The following AUTS2 variants were observed in gnomAD, a reference collection of about 807,000 sequenced individuals.
AUTS2 encodes autism susceptibility gene 2 protein.
In AUTS2, 17 loss-of-function variants were observed where a neutral mutation model predicts 112.4. That is an observed-to-expected ratio of 0.15 (90% CI 0.10 to 0.23). The LOEUF (loss-of-function observed/expected upper bound fraction) is 0.23. Among genes scored for constraint, AUTS2 ranks in the 10% least tolerant of loss-of-function variants. The pLI, the probability that AUTS2 is intolerant of heterozygous loss-of-function variation, is 1.00. For synonymous variants in AUTS2, 751 were observed against 702.7 expected, an observed-to-expected ratio of 1.07 and a Z score of -1.09; for missense variants, 1,510 against 1,701.6, an observed-to-expected ratio of 0.89 and a Z score of 1.98.
chr7:70,006,677 G>A (rs567887734), intron 2 of AUTS2, among the ~76,000 whole-genome samples: 1 of 152,202 alleles, frequency 6.6e-6, no homozygotes, highest in African/African-American at 2.4e-5. Flanking sequence ...AGAAGTTTGC[G>A]GTGTGGTACC....
At chr7:70,247,368 G>A (rs1185097181) in intron 4 of AUTS2, among the ~76,000 whole-genome samples, 1 of 152,200 alleles carries the variant, frequency 6.6e-6, no homozygotes, top group East Asian at 1.9e-4. Context: ...GGTGGGAAGA[G>A]GGAATGGGCT....
chr7:70,451,799 C>A (rs534393145), intron 5 of AUTS2, among the ~76,000 whole-genome samples: 2 of 152,236 alleles, frequency 1.3e-5, no homozygotes, highest in Admixed American at 6.5e-5. Context: ...ATTTTAACAT[C>A]TAACTTCCAG....
In AUTS2 at chr7:70,303,412, GCA is replaced by G. The variant is rs569593320; in HGVS notation, c.661-132330_661-132329del. Among the ~76,000 whole-genome samples, 1,280 of 146,328 alleles carry G rather than the reference GCA, an allele frequency of 8.7e-3. 10 individuals are homozygous for G. The highest frequency in any genetic ancestry group is 0.012 in the African/African-American group (481 of 38,692). On this transcript the variant is annotated intron_variant, in intron 4 of 18. Transcript: ENST00000342771. ...GAAATACACATGCACATGTGTGCAC[GCA>G]CACACACACGCGCGCGCGCGCACAT...
intron 4 of AUTS2, among the ~76,000 whole-genome samples, chr7:70,325,528 A>T (rs1228260858): frequency 6.6e-6 from 1 of 152,146 alleles, no homozygotes; most frequent in African/African-American, 2.4e-5. Context: ...ATATACCTAA[A>T]TGAAATGACA....
chr7:70,506,781 T>C lies in AUTS2; in HGVS notation c.690+71000T>C, dbSNP rs143449588. Among the ~76,000 whole-genome samples the C allele has an allele frequency of 9.0e-3, 1,371 of 152,346 alleles. 6 individuals carry two copies. The highest frequency in any genetic ancestry group is 0.015 in the Non-Finnish European group (995 of 68,024). ...TCTAACAGGCAGGCTCTGTTGTTTA[T>C]TTCGGGGCTGAGATTCAGCAGTTTC... is the stretch of plus-strand genomic sequence containing the variant. On this transcript the variant is annotated intron_variant, in intron 5 of 18. Transcript: ENST00000342771.
intron 1 of AUTS2, among the ~76,000 whole-genome samples, chr7:69,865,518 T>A (rs771674187): frequency 6.6e-6 from 1 of 152,152 alleles, no homozygotes; most frequent in Non-Finnish European, 1.5e-5. Flanking sequence ...ATTTCCTAGT[T>A]CAAGGACTCT....
At chr7:69,883,839 C>T (rs1794160034) in intron 1 of AUTS2, among the ~76,000 whole-genome samples, 1 of 152,196 alleles carries the variant, frequency 6.6e-6, no homozygotes, top group Non-Finnish European at 1.5e-5. Context: ...TTAACAGCCG[C>T]CATGTGTATT....
chr7:70,162,919 A>G (rs1401680147), intron 4 of AUTS2, among the ~76,000 whole-genome samples: 1 of 152,196 alleles, frequency 6.6e-6, no homozygotes, highest in African/African-American at 2.4e-5. Flanking sequence ...AAGCTAAGAA[A>G]TAATTTCATG....
rs35066322 is a variant in AUTS2 at position 70,107,335 on chromosome 7, C to CTTT, written c.523-10776_523-10774dup. 2.9e-3 allele frequency among the ~76,000 whole-genome samples: 280 copies of CTTT among 96,940 alleles called. 7 individuals are homozygous for CTTT. The highest frequency in any genetic ancestry group is 5.6e-3 in the African/African-American group (139 of 24,750). The allele number at this position is 96,940 out of a possible 152,430, so 63.6% of individuals were successfully genotyped here. ...TTACTGGCCAATCCCAGATGAGAAGCTTTTTTTTTTTTTTTTTTTTTTTCT... is the reference window on the plus strand; with the variant it reads ...TTACTGGCCAATCCCAGATGAGAAGCTTTTTTTTTTTTTTTTTTTTTTTTTTCT... On this transcript the variant is annotated intron_variant, in intron 2 of 18. Transcript: ENST00000342771.
rs368520602 is a variant in AUTS2 at position 70,763,126 on chromosome 7, A to G, written c.999A>G (p.Gln333=). ...DLVQRTEAPP[Q]PPPLSTQPPQ... The stretch of plus-strand genomic sequence containing the variant: ...TGCAGCGCACAGAGGCCCCACCTCA[A>G]CCCCCACCTCTGAGTACACAGCCAC... Residue 333 remains glutamine (Q), a synonymous_variant, in exon 7 of 19, where the codon CAA becomes CAG. Coordinates refer to ENST00000342771, the MANE Select transcript of AUTS2 (RefSeq NM_015570.4). 4.4e-5 allele frequency: 71 copies of G among 1,613,376 alleles called. No homozygotes were observed. The highest frequency in any genetic ancestry group is 5.6e-5 in the Non-Finnish European group (66 of 1,179,876).
intron 1 of AUTS2, among the ~76,000 whole-genome samples, chr7:69,675,650 G>T (rs1220974928): frequency 1.3e-5 from 2 of 151,918 alleles, no homozygotes; most frequent in Non-Finnish European, 2.9e-5. Context: ...GGGATTACAG[G>T]TGTGCGCCAC....
chr7:69,696,481 A>C (rs1217770531), intron 1 of AUTS2, among the ~76,000 whole-genome samples: 2 of 152,166 alleles, frequency 1.3e-5, no homozygotes, highest in African/African-American at 4.8e-5. Flanking sequence ...ATGTCATTGA[A>C]GTCTCCATGT....
Position 70,687,605 on chromosome 7 carries a change from A to G in AUTS2, c.691-10964A>G, listed in dbSNP as rs150689856. ...TCTCAATGGTATGCATCATAAACTA[A>G]TCCAGTTCAGTTTATTTACTTCCCT... On this transcript the variant is annotated intron_variant, in intron 5 of 18. Transcript: ENST00000342771. 1.9e-3 allele frequency among the ~76,000 whole-genome samples: 292 copies of G among 152,324 alleles called. 1 individual carries two copies. The highest frequency in any genetic ancestry group is 6.8e-3 in the African/African-American group (281 of 41,582).
intron 1 of AUTS2, among the ~76,000 whole-genome samples, chr7:69,695,951 A>G (rs917425859): frequency 2.0e-5 from 3 of 152,232 alleles, no homozygotes; most frequent in Non-Finnish European, 4.4e-5. Flanking sequence ...TCCATCTACA[A>G]ATAGGAAGAC....
intron 2 of AUTS2, among the ~76,000 whole-genome samples, chr7:70,053,915 TG>T (rs1460893260): frequency 6.6e-6 from 1 of 152,150 alleles, no homozygotes; most frequent in Non-Finnish European, 1.5e-5. Flanking sequence ...GAATTCTGTG[TG>T]CTTTTGTGAT....
At chr7:70,226,980 A>G (rs945204839) in intron 4 of AUTS2, among the ~76,000 whole-genome samples, 1 of 152,182 alleles carries the variant, frequency 6.6e-6, no homozygotes, top group African/African-American at 2.4e-5. Flanking sequence ...GAGTACAGCT[A>G]AAAGGGGTTG....
intron 4 of AUTS2, among the ~76,000 whole-genome samples, chr7:70,217,475 C>G (rs1811229263): frequency 6.6e-6 from 1 of 152,174 alleles, no homozygotes; most frequent in Non-Finnish European, 1.5e-5. Flanking sequence ...GAGTGGCACC[C>G]ACTTTTCATT....
At chr7:69,964,488 G>A (rs1435824364) in intron 2 of AUTS2, among the ~76,000 whole-genome samples, 1 of 152,120 alleles carries the variant, frequency 6.6e-6, no homozygotes, top group Non-Finnish European at 1.5e-5. Flanking sequence ...GTGAATGACT[G>A]CTAAAATTTA....
chr7:69,863,631 AT>A (rs2129533205), intron 1 of AUTS2, among the ~76,000 whole-genome samples: 1 of 152,348 alleles, frequency 6.6e-6, no homozygotes, highest in East Asian at 1.9e-4. Context: ...GCCCCCAGTA[AT>A]TATTCTGAAT....
Sources: allele counts gnomAD v4.1 joint callset (sites outside exome capture counted in the v4.1 genomes callset), GRCh38; gene constraint gnomAD v4.1.1; transcripts MANE v1.5; gene names NCBI Gene and HGNC (gene_info 2026-07-23, HGNC 2026-07-21).